The following MRAS variants were observed in gnomAD, a reference collection of about 807,000 sequenced individuals.
The protein encoded by MRAS is ras-related protein M-Ras.
Under a neutral mutation model 20.9 loss-of-function variants are expected in MRAS, and 4 were observed. The ratio of observed to expected loss-of-function variants is 0.19; its 90% CI spans 0.09 to 0.44. The LOEUF (loss-of-function observed/expected upper bound fraction) is 0.44, where lower values mean the gene tolerates loss of function less well. Ranked by LOEUF, MRAS falls within the 20% of genes least tolerant of loss-of-function variation. The pLI is 0.99. For synonymous variants in MRAS, 98 were observed against 102.9 expected (o/e 0.95, Z 0.29); for missense variants, 154 against 277.5 (o/e 0.56, Z 3.16).
At chr3:138,398,926 C>T (rs752835719) in intron 4 of MRAS, among the ~76,000 whole-genome samples, 1 of 152,180 alleles carries the variant, frequency 6.6e-6, no homozygotes, top group Non-Finnish European at 1.5e-5. Context: ...TGAAGGGGCT[C>T]CAGGTAGGTC....
At chr3:138,368,763 C>T (rs558371488) in intron 1 of MRAS, among the ~76,000 whole-genome samples, 2 of 152,282 alleles carry the variant, frequency 1.3e-5, no homozygotes, top group South Asian at 4.1e-4. Flanking sequence ...GGTGACTTTT[C>T]GTCGTAGCCT....
chr3:138,361,724 C>T (rs576146287), intron 1 of MRAS, among the ~76,000 whole-genome samples: 4 of 152,242 alleles, frequency 2.6e-5, no homozygotes, highest in African/African-American at 7.2e-5. Context: ...AGGCCAAGGG[C>T]GCTCAGTCTG....
chr3:138,373,111 A>G, intron 2 of MRAS, 35 bp downstream of exon 2: 2 of 1,401,370 alleles, frequency 1.4e-6, no homozygotes, highest in Non-Finnish European at 1.9e-6. Flanking sequence ...ATTGGGTGGG[A>G]TAGTAGATGG....
At position 138,405,121 on chromosome 3, in the gene MRAS, C is replaced by T. The variant is rs1009996623; in HGVS notation, c.*2852C>T. The T allele has an allele frequency of 3.3e-5, 5 of 152,544 alleles. No individual in the cohort carries two copies. Among genetic ancestry groups the T allele is most frequent in the Admixed American group, 3.3e-4 (5 of 15,276 alleles). 9.4% of individuals were successfully genotyped at this position (152,544 alleles called of 1,614,324 possible). Reference sequence around the variant, plus strand: ...CTGTGCACTTTGCCACTCGGGACACCTGGATGGTTTCTCTTAGGACTTTGC... The same window carrying T: ...CTGTGCACTTTGCCACTCGGGACACTTGGATGGTTTCTCTTAGGACTTTGC... On this transcript the variant is annotated 3_prime_UTR_variant, in exon 6 of 6. Transcript: ENST00000423968.
chr3:138,360,656 C>A (rs981022764), intron 1 of MRAS, among the ~76,000 whole-genome samples: 4 of 152,222 alleles, frequency 2.6e-5, no homozygotes, highest in Non-Finnish European at 5.9e-5. Context: ...TCCTCTAGGT[C>A]CTGTGTGGCC....
At chr3:138,368,953 G>T (rs2054619535) in intron 1 of MRAS, among the ~76,000 whole-genome samples, 1 of 152,052 alleles carries the variant, frequency 6.6e-6, no homozygotes, top group African/African-American at 2.4e-5. Flanking sequence ...TTAGGAATTG[G>T]GGGGTTCTCT....
chr3:138,386,878 G>C (rs1323025249), intron 2 of MRAS, among the ~76,000 whole-genome samples: 1 of 152,200 alleles, frequency 6.6e-6, no homozygotes, highest in Non-Finnish European at 1.5e-5. Context: ...GAATGTTCAT[G>C]TGCAAATTTT....
intron 1 of MRAS, 103 bp from the exon 2 acceptor site, chr3:138,372,763 T>C (rs2054701360): frequency 1.2e-6 from 1 of 851,970 alleles, no homozygotes; most frequent in Non-Finnish European, 1.7e-6. Flanking sequence ...TTCAAACCTC[T>C]TTATAATTGA....
chr3:138,376,120 G>T (rs1450447611), intron 2 of MRAS, among the ~76,000 whole-genome samples: 1 of 152,218 alleles, frequency 6.6e-6, no homozygotes, highest in Non-Finnish European at 1.5e-5. Context: ...CCAAGGGTTT[G>T]TCTGCAGCCC....
chr3:138,358,345 AC>A lies in MRAS; in HGVS notation c.-19+9579del, dbSNP rs1312982693. ...GAACAAGACTCTCTCAAAAAAAAAA[AC>A]AAAGATATAAAGGGGCCATTAAATA... On this transcript the variant is annotated intron_variant, in intron 1 of 5. Coordinates refer to ENST00000423968, the MANE Select transcript of MRAS (RefSeq NM_001085049.3). Among the ~76,000 whole-genome samples the A allele has an allele frequency of 4.3e-4, 65 of 152,224 alleles. 1 individual carries two copies. In the East Asian group the frequency reaches 0.011, roughly 27 times the overall value.
chr3:138,395,831 G>A (rs2055224679), intron 2 of MRAS, among the ~76,000 whole-genome samples: 2 of 152,232 alleles, frequency 1.3e-5, no homozygotes, highest in South Asian at 4.1e-4. Context: ...CAGGCACTCA[G>A]ACATTCCTTA....
chr3:138,402,195 A>G lies in MRAS; in HGVS notation c.553A>G (p.Lys185Glu). Residue 185 changes from lysine to glutamate, a missense_variant, in exon 6 of 6, where the codon AAG becomes GAG. Lys to Glu is a moderately conservative substitution (Grantham distance 56, BLOSUM62 1). Coordinates refer to ENST00000423968, the MANE Select transcript of MRAS (RefSeq NM_001085049.3). ...GCAACAGATTCCGGAAAAAAGCCAG[A>G]AGAAGAAGAAGAAAACCAAATGGCG... ...IRQQIPEKSQKKKKKTKWRGD... is the reference protein window; with the variant it reads ...IRQQIPEKSQEKKKKTKWRGD... 1 of 1,611,968 alleles carries G rather than the reference A, an allele frequency of 6.2e-7. No homozygotes were observed. The highest frequency in any genetic ancestry group is 8.5e-7 in the Non-Finnish European group (1 of 1,178,420).
chr3:138,362,937 C>T (rs892867899), intron 1 of MRAS, among the ~76,000 whole-genome samples: 3 of 152,136 alleles, frequency 2.0e-5, no homozygotes, highest in Admixed American at 6.5e-5. Flanking sequence ...TCATGTTGCT[C>T]GCAGTACCGA....
At chr3:138,374,204 G>A (rs910629647) in intron 2 of MRAS, among the ~76,000 whole-genome samples, 8 of 151,816 alleles carry the variant, frequency 5.3e-5, no homozygotes, top group East Asian at 1.9e-4. Flanking sequence ...CTCGTGATCC[G>A]CCTGCCTCAG....
intron 1 of MRAS, among the ~76,000 whole-genome samples, chr3:138,360,332 C>G (rs1329307149): frequency 6.6e-6 from 1 of 152,196 alleles, no homozygotes; most frequent in Non-Finnish European, 1.5e-5. Context: ...TGCCACCCTG[C>G]TCTTCTCCTG....
chr3:138,397,167 C>T (rs144109834), intron 2 of MRAS, among the ~76,000 whole-genome samples, 157 bp from the exon 3 acceptor site: 12 of 152,276 alleles, frequency 7.9e-5, no homozygotes, highest in Middle Eastern at 3.4e-3. Flanking sequence ...TGGGACCCTT[C>T]GAGCAGCCCT....
chr3:138,371,750 A>G (rs1042604607), intron 1 of MRAS, among the ~76,000 whole-genome samples: 5 of 151,930 alleles, frequency 3.3e-5, no homozygotes, highest in Non-Finnish European at 7.4e-5. Context: ...ACAACCTCCA[A>G]ATTGTTCTTT....
intron 1 of MRAS, among the ~76,000 whole-genome samples, chr3:138,358,067 G>A (rs2054370353): frequency 1.3e-5 from 2 of 152,328 alleles, no homozygotes; most frequent in Admixed American, 1.3e-4. Context: ...GGGCATGGTG[G>A]CTCACGCCTG....
At position 138,405,200 on chromosome 3, in the gene MRAS, G is replaced by A. The variant is rs949431993; in HGVS notation, c.*2931G>A. ...GAAAATGCCTGGCTGGCCTCGTGGGGCCTGTCTCACTTTTCCAGGAGACAT... is the reference window on the plus strand; with the variant it reads ...GAAAATGCCTGGCTGGCCTCGTGGGACCTGTCTCACTTTTCCAGGAGACAT... On this transcript the variant is annotated 3_prime_UTR_variant, in exon 6 of 6. Coordinates refer to ENST00000423968, the MANE Select transcript of MRAS (RefSeq NM_001085049.3). 2 of 152,602 alleles carry A rather than the reference G, an allele frequency of 1.3e-5. No homozygotes were observed. The highest frequency in any genetic ancestry group is 2.9e-5 in the Non-Finnish European group (2 of 68,044). The allele number at this position is 152,602 out of a possible 1,614,324, so 9.5% of individuals were successfully genotyped here. A position where few individuals can be genotyped will look rare whatever the true frequency, so the allele number is the denominator to read the frequency against.
Sources: gnomAD v4.1 joint callset for allele counts (sites outside exome capture counted in the v4.1 genomes callset) on GRCh38, gnomAD v4.1.1 for gene constraint, MANE v1.5 for transcripts, NCBI Gene and HGNC (gene_info 2026-07-23, HGNC 2026-07-21) for gene names.